MAGI2: variants seen among roughly 807,000 people sequenced by gnomAD.
MAGI2 encodes the protein membrane-associated guanylate kinase, WW and PDZ domain-containing protein 2.
MAGI2 carries 35 observed loss-of-function variants against 133.3 expected under a neutral mutation model. That is an observed-to-expected ratio of 0.26 (90% CI 0.20 to 0.35). MAGI2 has a LOEUF of 0.35. Among genes scored for constraint, MAGI2 ranks in the 10% least tolerant of loss-of-function variants. The pLI is 1.00. For synonymous variants in MAGI2, 729 were observed against 710.6 expected (o/e 1.03, Z -0.41); for missense variants, 1,636 against 1,863.4 (o/e 0.88, Z 2.25).
At chr7:78,603,596 C>T (rs1805448931) in intron 3 of MAGI2, among the ~76,000 whole-genome samples, 1 of 152,170 alleles carries the variant, frequency 6.6e-6, no homozygotes, top group Non-Finnish European at 1.5e-5. Context: ...GATGTCAGCT[C>T]ACTGCAACCT....
At chr7:79,167,974 C>G (rs1825112329) in intron 1 of MAGI2, among the ~76,000 whole-genome samples, 1 of 152,226 alleles carries the variant, frequency 6.6e-6, no homozygotes, top group African/African-American at 2.4e-5. Context: ...CAAACAATAG[C>G]ATGAACGATC....
chr7:78,966,897 C>G (rs1803363364), intron 2 of MAGI2, among the ~76,000 whole-genome samples: 1 of 139,572 alleles, frequency 7.2e-6, no homozygotes, highest in Non-Finnish European at 1.5e-5. Context: ...TGTTGAACAT[C>G]TTTTCAGATC....
chr7:78,698,985 AAT>A (rs1563372016), intron 2 of MAGI2, among the ~76,000 whole-genome samples: 2 of 152,170 alleles, frequency 1.3e-5, no homozygotes, highest in Admixed American at 6.5e-5. Flanking sequence ...CTTTACATAC[AAT>A]ATACTTTTAC....
intron 20 of MAGI2, 110 bp from the exon 21 acceptor site, chr7:78,079,195 T>C: frequency 9.6e-7 from 1 of 1,045,488 alleles, no homozygotes; most frequent in Non-Finnish European, 1.4e-6. Context: ...TCCGAACAAT[T>C]TGGTGGCAGC....
At chr7:78,042,296 A>G (rs1170246556) in intron 21 of MAGI2, among the ~76,000 whole-genome samples, 2 of 152,210 alleles carry the variant, frequency 1.3e-5, no homozygotes, top group East Asian at 1.9e-4. Flanking sequence ...AAGAGGAACG[A>G]TATGATAATC....
chr7:78,487,291 C>T (rs1793135020), intron 6 of MAGI2: 1 of 196,734 alleles, frequency 5.1e-6, no homozygotes. Context: ...ATCCTCCCCT[C>T]AAGTGGAACA....
chr7:78,200,610 A>G (rs770479968), intron 11 of MAGI2, among the ~76,000 whole-genome samples: 1 of 152,146 alleles, frequency 6.6e-6, no homozygotes, highest in African/African-American at 2.4e-5. Context: ...TATATACACA[A>G]AGACACATAC....
chr7:79,171,770 A>ATATATATATATATATATATTTT, intron 1 of MAGI2, among the ~76,000 whole-genome samples: 19 of 31,206 alleles, frequency 6.1e-4, no homozygotes, highest in Non-Finnish European at 1.6e-3. Context: ...ATATATATAT[A>ATATATATATATATATATATTTT]TTTTTTTTTT....
At chr7:78,541,383 A>G (rs1798403858) in intron 3 of MAGI2, among the ~76,000 whole-genome samples, 2 of 152,150 alleles carry the variant, frequency 1.3e-5, no homozygotes, top group African/African-American at 2.4e-5. Flanking sequence ...TTGGCTCCTC[A>G]AAAGGAGCCA....
chr7:78,817,680 A>G (rs1234362531), intron 2 of MAGI2, among the ~76,000 whole-genome samples: 1 of 151,932 alleles, frequency 6.6e-6, no homozygotes, highest in Non-Finnish European at 1.5e-5. Flanking sequence ...ACATAATGCA[A>G]TTTCACACTT....
At chr7:79,367,662 C>A (rs1265828821) in intron 1 of MAGI2, among the ~76,000 whole-genome samples, 1 of 151,620 alleles carries the variant, frequency 6.6e-6, no homozygotes, top group East Asian at 1.9e-4. Context: ...TAGCACAGTA[C>A]CTGGCATAAA....
chr7:79,379,131 G>A (rs1843606110), intron 1 of MAGI2, among the ~76,000 whole-genome samples: 4 of 141,664 alleles, frequency 2.8e-5, no homozygotes, highest in African/African-American at 1.1e-4. Context: ...CCCACAATAG[G>A]CCCAGGTGTG....
intron 2 of MAGI2, among the ~76,000 whole-genome samples, chr7:78,965,134 T>C (rs1414763972): frequency 6.6e-6 from 1 of 151,412 alleles, no homozygotes; most frequent in Non-Finnish European, 1.5e-5. Flanking sequence ...AAAATATTTG[T>C]ATAAAAACAA....
At chr7:79,297,225 A>G (rs1837005895) in intron 1 of MAGI2, among the ~76,000 whole-genome samples, 1 of 152,200 alleles carries the variant, frequency 6.6e-6, no homozygotes, top group Non-Finnish European at 1.5e-5. Flanking sequence ...CCAATTTTAG[A>G]AATGTAAAAA....
intron 2 of MAGI2, among the ~76,000 whole-genome samples, chr7:78,875,893 C>T (rs1004267193): frequency 1.3e-5 from 2 of 151,980 alleles, no homozygotes; most frequent in African/African-American, 2.4e-5. Flanking sequence ...CTGAAAATTA[C>T]AACAAAAGTC....
rs570992147 is a variant in MAGI2, at chr7:78,289,798, T to G, written c.1409-33217A>C. ...CAAGCCAGAAGAGAGTAGGGGCCAA[T>G]ATTCAACATTCTTAAAGAATTTTCA... On this transcript the variant is annotated intron_variant, in intron 9 of 21. Coordinates refer to ENST00000354212, the MANE Select transcript of MAGI2 (RefSeq NM_012301.4). Among the ~76,000 whole-genome samples, 11 of 152,248 alleles carry G rather than the reference T, an allele frequency of 7.2e-5. No individual in the cohort carries two copies. In the East Asian group the frequency reaches 2.1e-3, roughly 29 times the overall value.
Position 78,019,762 on chromosome 7 carries a change from C to A in MAGI2, c.3921G>T (p.Lys1307Asn). 1.2e-6 allele frequency: 2 copies of A among 1,612,572 alleles called. No individual in the cohort carries two copies. Among genetic ancestry groups the A allele is most frequent in the African/African-American group, 2.7e-5 (2 of 74,976 alleles). ...PKELSACGQK[K>N]QRLGEQRERS... ...GCTCCCTCTGCTCCCCGAGGCGCTG[C>A]TTCTTCTGGCCGCAGGCTGAAAGCT... is the stretch of plus-strand genomic sequence containing the variant. Residue 1307 changes from lysine to asparagine, a missense_variant, in exon 22 of 22, where the codon AAG becomes AAT. Lys to Asn is a moderately conservative substitution (Grantham distance 94). This residue lies in a region of MAGI2 where 354 missense variants were observed against 298.7 expected (regional missense o/e 1.19). Coordinates refer to ENST00000354212, the MANE Select transcript of MAGI2 (RefSeq NM_012301.4).
chr7:79,357,758 C>A (rs1192682050), intron 1 of MAGI2, among the ~76,000 whole-genome samples: 2 of 152,158 alleles, frequency 1.3e-5, no homozygotes, highest in Non-Finnish European at 2.9e-5. Context: ...AGTGTATATA[C>A]CTACCATTGC....
chr7:79,102,920 T>A (rs1818115985), intron 1 of MAGI2, among the ~76,000 whole-genome samples: 1 of 152,156 alleles, frequency 6.6e-6, no homozygotes, highest in Non-Finnish European at 1.5e-5. Context: ...TCCCATATAA[T>A]CTGGGTGTTC....
Sources: allele counts gnomAD v4.1 joint callset (sites outside exome capture counted in the v4.1 genomes callset), GRCh38; gene constraint gnomAD v4.1.1; regional missense constraint gnomAD v4.1.1; transcripts MANE v1.5; gene names NCBI Gene and HGNC (gene_info 2026-07-23, HGNC 2026-07-21).